Variants in TSC2 observed in about 807,000 individuals in gnomAD.
TSC2 encodes tuberin.
In TSC2, 29 loss-of-function variants were observed where a neutral mutation model predicts 202.2. The ratio of observed to expected loss-of-function variants is 0.14; its 90% confidence interval spans 0.11 to 0.20. The LOEUF is 0.20. TSC2 is among the 10% of genes least tolerant of loss of function. The probability of loss-of-function intolerance (pLI) is 1.00; values close to 1 mark genes in which losing one functional copy is unlikely to be tolerated. For synonymous variants in TSC2, 1,349 were observed against 1,044.0 expected (o/e 1.29, Z -5.63); for missense variants, 2,429 against 2,420.0 (o/e 1.00, Z -0.08).
Position 2,088,880 on chromosome 16 carries a change from C to A in TSC2, c.*270C>A. 2.1e-6 allele frequency: 1 copy of A among 474,112 alleles called. No individual in the cohort carries two copies. The highest frequency in any genetic ancestry group is 3.8e-6 in the Non-Finnish European group (1 of 266,536). 29.4% of individuals were successfully genotyped at this position (474,112 alleles called of 1,614,324 possible). A position where few individuals can be genotyped will look rare whatever the true frequency, so the allele number is the denominator to read the frequency against. On this transcript the variant is annotated 3_prime_UTR_variant, in exon 42 of 42. Transcript: ENST00000219476. The stretch of plus-strand genomic sequence containing the variant: ...TACAGCACACTCGCGCGTGCGCGCG[C>A]GCACACACACACACACACAGTCACC...
Position 2,076,528 on chromosome 16 carries a change from C to G in TSC2, c.2780C>G (p.Thr927Ser). ...AATGTCCTCTTGTCTTTTGATGACA[C>G]CCCCGAGAAGGACAGCTTCAGGGCC... The part of the protein sequence containing the change: ...RSNVLLSFDD[T>S]PEKDSFRARS... The change falls in exon 25 of 42, where the codon ACC becomes AGC. Residue 927 changes from threonine to serine, a missense_variant. Coordinates refer to ENST00000219476, the MANE Select transcript of TSC2 (RefSeq NM_000548.5). The G allele has an allele frequency of 6.2e-7, 1 of 1,613,528 alleles. No homozygotes were observed. The highest frequency in any genetic ancestry group is 8.5e-7 in the Non-Finnish European group (1 of 1,179,994).
rs999583473 is a variant in TSC2 at position 2,072,990 on chromosome 16, G to A, written c.2355+7G>A. On this transcript the variant is annotated splice_region_variant and intron_variant, in intron 21 of 41. Transcript: ENST00000219476. Reference sequence around the variant, plus strand: ...CCTGGACAAAACCAAACAGGTAGGAGGTCAGAGCAGGACAGGCGAGCTTGA... The same window carrying A: ...CCTGGACAAAACCAAACAGGTAGGAAGTCAGAGCAGGACAGGCGAGCTTGA... The A allele has an allele frequency of 6.2e-7, 1 of 1,613,324 alleles. No homozygotes were observed. The highest frequency in any genetic ancestry group is 1.7e-5 in the Admixed American group (1 of 60,028).
intron 10 of TSC2, among the ~76,000 whole-genome samples, chr16:2,060,365 C>T (rs1476028305): frequency 1.3e-5 from 2 of 152,196 alleles, no homozygotes; most frequent in African/African-American, 4.8e-5. Flanking sequence ...TGCAGCCGAA[C>T]TCAGGGCAGC....
Position 2,050,436 on chromosome 16 carries a change from C to T in TSC2, c.175C>T (p.Arg59Trp), listed in dbSNP as rs1015282988. The T allele has an allele frequency of 5.6e-6, 9 of 1,613,674 alleles. No homozygotes were observed. The highest frequency in any genetic ancestry group is 1.3e-5 in the African/African-American group (1 of 74,816). Residue 59 changes from arginine (R) to tryptophan (W), a missense_variant, in exon 3 of 42, where the codon CGG becomes TGG. Coordinates refer to ENST00000219476, the MANE Select transcript of TSC2 (RefSeq NM_000548.5). ...SMECGLNNRI[R>W]MIGQICEVAK... ...GGAATGTGGCCTCAACAATCGCATC[C>T]GGATGATAGGGCAGATTTGTGAAGT...
chr16:2,074,183 T>G lies in TSC2; in HGVS notation c.2356-17T>G, dbSNP rs1596355928. ...TGCTGCAAGCGGGTGGGGCCTGAGGTGTCCTGTCTCCTGCAGCGCGAGATG... is the reference window on the plus strand; with the variant it reads ...TGCTGCAAGCGGGTGGGGCCTGAGGGGTCCTGTCTCCTGCAGCGCGAGATG... On this transcript the variant is annotated splice_polypyrimidine_tract_variant and intron_variant, in intron 21 of 41. Transcript: ENST00000219476. 3 of 1,610,138 alleles carry G rather than the reference T, an allele frequency of 1.9e-6. No homozygotes were observed. The highest frequency in any genetic ancestry group is 1.7e-6 in the Non-Finnish European group (2 of 1,179,778).
Position 2,081,632 on chromosome 16 carries a change from C to T in TSC2, c.3648C>T (p.Leu1216=), listed in dbSNP as rs777246414. 18 of 1,612,826 alleles carry T rather than the reference C, an allele frequency of 1.1e-5. No individual in the cohort carries two copies. Among genetic ancestry groups the T allele is most frequent in the South Asian group, 4.4e-5 (4 of 91,090 alleles). ...GGCTGATGAGCCTGGAGAACCCGCT[C>T]AGCCCTTTCTCCTCGGACATCAACA... ...TSWLMSLENP[L]SPFSSDINNM... Residue 1216 remains leucine, a synonymous_variant, in exon 31 of 42, where the codon CTC becomes CTT. Coordinates refer to ENST00000219476, the MANE Select transcript of TSC2 (RefSeq NM_000548.5).
intron 22 of TSC2, chr16:2,074,882 G>A (rs1400281077): frequency 8.7e-6 from 2 of 229,076 alleles, no homozygotes; most frequent in Non-Finnish European, 1.8e-5. Context: ...CCACATGCAG[G>A]TCCTGTCGGT....
At chr16:2,075,525 CAAAAAAAA>C (rs933350142) in intron 22 of TSC2, among the ~76,000 whole-genome samples, 5 of 27,286 alleles carry the variant, frequency 1.8e-4, no homozygotes, top group Admixed American at 6.7e-4. Flanking sequence ...AGACTCATCT[CAAAAAAAA>C]AAAAAAAAAA....
intron 2 of TSC2, among the ~76,000 whole-genome samples, chr16:2,049,737 T>A (rs912440270): frequency 6.6e-6 from 1 of 151,344 alleles, no homozygotes; most frequent in African/African-American, 2.4e-5. Context: ...GAGACGAGAA[T>A]TGCTTGAACC....
In TSC2 at chr16:2,079,494, A is replaced by ACGTGGCACCCT; in HGVS notation, c.3285-59_3285-49dup. 6.2e-7 allele frequency: 1 copy of ACGTGGCACCCT among 1,608,348 alleles called. No individual in the cohort carries two copies. ...CACCGGCTGTCCCGAGCCCAGGCCC[A>ACGTGGCACCCT]CGTGGCACCCTCGTACCAGCCTGGG... On this transcript the variant is annotated intron_variant, in intron 28 of 41. Transcript: ENST00000219476. This position sits in a 1 kb window ranked among gnomAD's most constrained non-coding sequence, Gnocchi z 4.6.
Position 2,050,467 on chromosome 16 carries a change from A to C in TSC2, c.206A>C (p.Lys69Thr). 2 of 1,614,000 alleles carry C rather than the reference A, an allele frequency of 1.2e-6. No individual in the cohort carries two copies. The highest frequency in any genetic ancestry group is 4.5e-5 in the East Asian group (2 of 44,888). Reference sequence around the variant, plus strand: ...ATAGGGCAGATTTGTGAAGTCGCAAAAACCAAGAAATTTGAAGAGGTAGGT... The same window carrying C: ...ATAGGGCAGATTTGTGAAGTCGCAACAACCAAGAAATTTGAAGAGGTAGGT... ...RMIGQICEVA[K>T]TKKFEEHAVE... Residue 69 changes from lysine (K) to threonine (T), a missense_variant, in exon 3 of 42, where the codon AAA becomes ACA. Physicochemically the swap from Lys to Thr is moderately conservative, Grantham distance 78 (BLOSUM62 -1). Coordinates refer to ENST00000219476, the MANE Select transcript of TSC2 (RefSeq NM_000548.5).
rs371541319 is a variant in TSC2 at position 2,084,494 on chromosome 16, C to G, written c.4272C>G (p.Asp1424Glu). ...VKARSQSGTL[D>E]GESAAWSASG... ...CCCGGTCACAGTCAGGGACCCTGGA[C>G]GGGGAAAGTGCTGCCTGGTCGGCCT... The change falls in exon 34 of 42, where the codon GAC becomes GAG. Residue 1424 changes from aspartate to glutamate, a missense_variant. Physicochemically the swap from Asp to Glu is conservative, Grantham distance 45 (BLOSUM62 2). Transcript: ENST00000219476. 1 of 1,608,954 alleles carries G rather than the reference C, an allele frequency of 6.2e-7. No individual in the cohort carries two copies. The highest frequency in any genetic ancestry group is 1.3e-5 in the African/African-American group (1 of 74,818).
chr16:2,050,070 C>G (rs2150990197), intron 2 of TSC2, among the ~76,000 whole-genome samples: 1 of 151,816 alleles, frequency 6.6e-6, no homozygotes, highest in South Asian at 2.1e-4. Context: ...ATTCTCCTGC[C>G]TCACTCTCCC....
Position 2,088,070 on chromosome 16 carries a change from C to T in TSC2, c.5091C>T (p.Thr1697=), listed in dbSNP as rs111675922. The T allele has an allele frequency of 8.1e-6, 13 of 1,612,760 alleles. No individual in the cohort carries two copies. Among genetic ancestry groups the T allele is most frequent in the African/African-American group, 8.0e-5 (6 of 75,010 alleles). Residue 1697 remains threonine (T), a synonymous_variant, in exon 40 of 42, where the codon ACC becomes ACT. Coordinates refer to ENST00000219476, the MANE Select transcript of TSC2 (RefSeq NM_000548.5). ...CRKDMEGLVD[T]SVAKIVSDRN... ...CAGACATGGAGGGCCTTGTGGACAC[C>T]AGCGTGGCCAAGATCGTGTCTGACC...
intron 38 of TSC2, among the ~76,000 whole-genome samples, chr16:2,087,485 T>TGGG (rs60318294): frequency 1.2e-5 from 1 of 80,302 alleles, no homozygotes; most frequent in African/African-American, 3.2e-5. Context: ...GACAACCAGT[T>TGGG]GGGGGGGGGG....
At position 2,088,661 on chromosome 16, in the gene TSC2, G is replaced by GAAAT. The variant is rs137854184; in HGVS notation, c.*59_*62dup. ...GCCTTGGACGGTATTGCCTGTCAGT[G>GAAAT]AAATAAATAAAGTCCTGACCCCAGT... On this transcript the variant is annotated 3_prime_UTR_variant, in exon 42 of 42. Transcript: ENST00000219476. 8 of 1,562,334 alleles carry GAAAT rather than the reference G, an allele frequency of 5.1e-6. No individual in the cohort carries two copies. Among genetic ancestry groups the GAAAT allele is most frequent in the South Asian group, 1.1e-5 (1 of 87,606 alleles).
At chr16:2,085,065 T>C in intron 35 of TSC2, 39 bp downstream of exon 35, 1 of 1,610,624 alleles carries the variant, frequency 6.2e-7, no homozygotes. Flanking sequence ...GCTGGAGCTG[T>C]GTGGCTCGGG....
rs1229407025 is a variant in TSC2, at chr16:2,064,381, G to T, written c.1553G>T (p.Gly518Val). 6.2e-7 allele frequency: 1 copy of T among 1,613,676 alleles called. No individual in the cohort carries two copies. Among genetic ancestry groups the T allele is most frequent in the Admixed American group, 1.7e-5 (1 of 60,034 alleles). The part of the protein sequence containing the change: ...ATQLLVDLAE[G>V]CHTHHFNSLL... ...CAGTTGCTGGTGGACCTGGCAGAGG[G>T]CTGCCACACACACCACTTCAACAGC... Residue 518 changes from glycine to valine, a missense_variant, in exon 15 of 42, where the codon GGC (glycine) becomes GTC (valine). Gly to Val is a moderately radical substitution (Grantham distance 109, BLOSUM62 -3). Transcript: ENST00000219476.
intron 19 of TSC2, 125 bp downstream of exon 19, chr16:2,072,059 C>T: frequency 6.8e-7 from 1 of 1,475,252 alleles, no homozygotes; most frequent in Non-Finnish European, 9.0e-7. Flanking sequence ...CAGAGCTGAG[C>T]CTTCCCCCTT....
Sources: allele counts gnomAD v4.1 joint callset (sites outside exome capture counted in the v4.1 genomes callset), GRCh38; gene constraint gnomAD v4.1.1; non-coding constraint Gnocchi (gnomAD v3.1); transcripts MANE v1.5; gene names NCBI Gene and HGNC (gene_info 2026-07-23, HGNC 2026-07-21).